MTMR3: variants seen among roughly 807,000 people sequenced by gnomAD.
MTMR3 encodes myotubularin related protein 3.
Under a neutral mutation model 132.4 loss-of-function variants are expected in MTMR3, and 32 were observed. The observed-to-expected ratio is 0.24, with a 90% confidence interval of 0.18 to 0.32. The LOEUF is 0.32. Among genes scored for constraint, MTMR3 ranks in the 10% least tolerant of loss-of-function variants. The pLI, the probability that MTMR3 is intolerant of heterozygous loss-of-function variation, is 1.00. For synonymous variants in MTMR3, 556 were observed against 550.3 expected (o/e 1.01, Z -0.14); for missense variants, 1,216 against 1,489.6 (o/e 0.82, Z 3.02).
Position 29,891,543 on chromosome 22 carries a change from C to T in MTMR3, c.-138+8184C>T, listed in dbSNP as rs553074853. 3.7e-4 allele frequency among the ~76,000 whole-genome samples: 57 copies of T among 152,040 alleles called. No homozygotes were observed. In the South Asian group the frequency reaches 0.011, roughly 30 times the overall value. On this transcript the variant is annotated intron_variant, in intron 1 of 19. Coordinates refer to ENST00000401950, the MANE Select transcript of MTMR3 (RefSeq NM_021090.4). ...GCCTCCTGGGTTGAAGTGATTCTTG[C>T]GCCTCAGCCACTTGAGTAGTTGGGA...
At chr22:29,947,514 A>AC (rs397774716) in intron 1 of MTMR3, among the ~76,000 whole-genome samples, 4 of 151,546 alleles carry the variant, frequency 2.6e-5, no homozygotes, top group Admixed American at 6.6e-5. Flanking sequence ...AAAAAAAAAA[A>AC]CAAAAAACCC....
chr22:29,896,477 G>A (rs745772369), intron 1 of MTMR3, among the ~76,000 whole-genome samples: 3 of 152,076 alleles, frequency 2.0e-5, no homozygotes, highest in Non-Finnish European at 4.4e-5. Flanking sequence ...CTTCTGGCCG[G>A]CCACTACACT....
intron 2 of MTMR3, among the ~76,000 whole-genome samples, chr22:29,960,454 A>T (rs1481257056): frequency 6.6e-6 from 1 of 152,230 alleles, no homozygotes; most frequent in East Asian, 1.9e-4. Context: ...TTCAAAAAAA[A>T]TGCACGTGCA....
At chr22:29,923,740 G>C (rs1219130573) in intron 1 of MTMR3, among the ~76,000 whole-genome samples, 2 of 152,054 alleles carry the variant, frequency 1.3e-5, no homozygotes, top group Non-Finnish European at 2.9e-5. Context: ...TTGGATCAAG[G>C]ATCCATCTGC....
chr22:29,906,254 G>C (rs377393080), intron 1 of MTMR3, among the ~76,000 whole-genome samples: 2 of 63,720 alleles, frequency 3.1e-5, no homozygotes, highest in Admixed American at 1.5e-4. Context: ...CCGTCTGTCT[G>C]TCTGTCTGTC....
Position 29,974,221 on chromosome 22 carries a change from T to TA in MTMR3, c.3+3159_3+3160insA, listed in dbSNP as rs539294336. Reference sequence around the variant, plus strand: ...TGTTACCAGACCAGCGTTTCCCAATTTATCTTCTTCCAACTTCTCACCTTA... The same window carrying TA: ...TGTTACCAGACCAGCGTTTCCCAATTATATCTTCTTCCAACTTCTCACCTTA... On this transcript the variant is annotated intron_variant, in intron 3 of 19. Coordinates refer to ENST00000401950, the MANE Select transcript of MTMR3 (RefSeq NM_021090.4). Among the ~76,000 whole-genome samples the TA allele has an allele frequency of 4.5e-3, 679 of 152,318 alleles. 6 individuals carry two copies. Among genetic ancestry groups the TA allele is most frequent in the African/African-American group, 0.015 (641 of 41,568 alleles).
intron 1 of MTMR3, among the ~76,000 whole-genome samples, chr22:29,940,452 G>A (rs1032111363): frequency 4.0e-5 from 6 of 149,980 alleles, no homozygotes; most frequent in Non-Finnish European, 7.3e-5. Flanking sequence ...GCACCCAGGT[G>A]AAACAAACAG....
chr22:29,949,918 T>C (rs2066040985), intron 1 of MTMR3, among the ~76,000 whole-genome samples: 1 of 152,172 alleles, frequency 6.6e-6, no homozygotes, highest in Middle Eastern at 3.2e-3. Flanking sequence ...TTCCATTTGA[T>C]TTAGGCATTG....
intron 1 of MTMR3, among the ~76,000 whole-genome samples, chr22:29,939,198 T>C (rs2065808123): frequency 6.6e-6 from 1 of 152,220 alleles, no homozygotes; most frequent in African/African-American, 2.4e-5. Context: ...ATGTCCACGC[T>C]GGAATTTAAA....
intron 2 of MTMR3, among the ~76,000 whole-genome samples, chr22:29,966,118 C>G (rs1804032393): frequency 6.6e-6 from 1 of 152,158 alleles, no homozygotes. Context: ...CAACTCATGA[C>G]CCATCTTGTT....
At chr22:29,969,630 A>G (rs1382947752) in intron 2 of MTMR3, among the ~76,000 whole-genome samples, 1 of 151,900 alleles carries the variant, frequency 6.6e-6, no homozygotes, top group Non-Finnish European at 1.5e-5. Context: ...TCCCAGGTTC[A>G]CGTTATTCTC....
chr22:29,896,664 A>G (rs1394705280), intron 1 of MTMR3, among the ~76,000 whole-genome samples: 1 of 152,168 alleles, frequency 6.6e-6, no homozygotes, highest in African/African-American at 2.4e-5. Context: ...ATAGTCTAAA[A>G]AAAAAGCAAA....
intron 1 of MTMR3, among the ~76,000 whole-genome samples, chr22:29,889,701 T>A (rs1197335404): frequency 6.6e-6 from 1 of 152,110 alleles, no homozygotes; most frequent in Non-Finnish European, 1.5e-5. Context: ...GAAATAATTT[T>A]AAAAAGAACA....
chr22:29,974,623 G>A (rs1014714953), intron 3 of MTMR3, among the ~76,000 whole-genome samples: 1 of 152,162 alleles, frequency 6.6e-6, no homozygotes, highest in South Asian at 2.1e-4. Flanking sequence ...TAGCACCCTG[G>A]TGAGTGTGCC....
intron 1 of MTMR3, among the ~76,000 whole-genome samples, chr22:29,923,028 C>A (rs1475938878): frequency 6.7e-6 from 1 of 148,838 alleles, no homozygotes; most frequent in Non-Finnish European, 1.5e-5. Context: ...GTGCACACTA[C>A]CACATCCAGC....
intron 1 of MTMR3, among the ~76,000 whole-genome samples, chr22:29,921,427 A>G (rs2065410392): frequency 6.6e-6 from 1 of 152,196 alleles, no homozygotes; most frequent in South Asian, 2.1e-4. Flanking sequence ...ACATTTCACC[A>G]TGAGATTTGG....
At chr22:29,953,033 C>A (rs1196619005) in intron 1 of MTMR3, among the ~76,000 whole-genome samples, 1 of 152,110 alleles carries the variant, frequency 6.6e-6, no homozygotes, top group Non-Finnish European at 1.5e-5. Context: ...CCTCTACACT[C>A]AAATTTTTCT....
At chr22:29,975,041 A>T (rs1328070184) in intron 3 of MTMR3, among the ~76,000 whole-genome samples, 1 of 152,144 alleles carries the variant, frequency 6.6e-6, no homozygotes, top group Non-Finnish European at 1.5e-5. Context: ...ATCATGGCTC[A>T]CCTTTCATAG....
intron 1 of MTMR3, among the ~76,000 whole-genome samples, chr22:29,898,061 C>T (rs1037039407): frequency 9.2e-5 from 14 of 152,028 alleles, no homozygotes; most frequent in Non-Finnish European, 1.2e-4. Flanking sequence ...CTGCAACTTC[C>T]GTCTCCCAGG....
Sources: gnomAD v4.1 joint callset for allele counts (sites outside exome capture counted in the v4.1 genomes callset) on GRCh38, gnomAD v4.1.1 for gene constraint, MANE v1.5 for transcripts, NCBI Gene and HGNC (gene_info 2026-07-23, HGNC 2026-07-21) for gene names.